FAM13B: variants seen among roughly 807,000 people sequenced by gnomAD.
FAM13B encodes the protein family with sequence similarity 13 member B, also known as protein FAM13B.
FAM13B carries 60 observed loss-of-function variants against 117.3 expected under a neutral mutation model. That is an observed-to-expected ratio of 0.51 (90% CI 0.42 to 0.63). FAM13B has a LOEUF of 0.63. FAM13B is among the 30% of genes least tolerant of loss of function. FAM13B has a pLI of 0.00. For synonymous variants in FAM13B, 332 were observed against 356.1 expected (o/e 0.93, Z 0.76); for missense variants, 972 against 1,091.9 (o/e 0.89, Z 1.55).
chr5:138,030,031 C>A (rs1789475439), intron 1 of FAM13B, among the ~76,000 whole-genome samples: 1 of 152,082 alleles, frequency 6.6e-6, no homozygotes, highest in Non-Finnish European at 1.5e-5. Flanking sequence ...TAAATGTCAT[C>A]AAATTATCTT....
At position 138,007,057 on chromosome 5, in the gene FAM13B, T is replaced by G. The variant is rs772773427; in HGVS notation, c.781A>C (p.Met261Leu). ...ATCCTTAATTGTACCACCTCTGGCA[T>G]GTCATTTGATTTTTCTGCACCCTCT... ...PEEGAEKSND[M>L]PEVVQLRMTE... is the part of the protein sequence containing the mutation. The change falls in exon 7 of 24, where the codon ATG becomes CTG. Residue 261 changes from methionine (M) to leucine (L), a missense_variant. Transcript: ENST00000689681. The G allele has an allele frequency of 1.2e-6, 2 of 1,613,468 alleles. No individual in the cohort carries two copies. The highest frequency in any genetic ancestry group is 2.7e-5 in the African/African-American group (2 of 74,920).
At chr5:138,028,702 A>T (rs1474591657) in intron 1 of FAM13B, among the ~76,000 whole-genome samples, 1 of 152,144 alleles carries the variant, frequency 6.6e-6, no homozygotes, top group Non-Finnish European at 1.5e-5. Flanking sequence ...GGCCAACATG[A>T]TGAAACCCCA....
intron 18 of FAM13B, 58 bp from the exon 19 acceptor site, chr5:137,946,369 A>C: frequency 2.6e-6 from 3 of 1,144,830 alleles, no homozygotes; most frequent in East Asian, 2.4e-5. Context: ...AAACAAAAAA[A>C]CTCCACTGGC....
chr5:137,951,149 G>A (rs931720648), intron 17 of FAM13B, among the ~76,000 whole-genome samples: 1 of 129,312 alleles, frequency 7.7e-6, no homozygotes, highest in Admixed American at 1.0e-4. Context: ...GGTGGAAGCT[G>A]CAATGAGCTA....
Position 137,956,531 on chromosome 5 carries a change from T to A in FAM13B, c.1453A>T (p.Ile485Phe). Residue 485 changes from isoleucine (I) to phenylalanine (F), a missense_variant, in exon 14 of 24, where the codon ATC (isoleucine) becomes TTC (phenylalanine). Ile to Phe is a conservative substitution (Grantham distance 21). Transcript: ENST00000689681. Reference sequence around the variant, plus strand: ...TTGAAATCAATGAGGGGAAAAGTGATAGGGCATGACGCTAATAAAATGGAA... The same window carrying A: ...TTGAAATCAATGAGGGGAAAAGTGAAAGGGCATGACGCTAATAAAATGGAA... The part of the protein sequence containing the change: ...DGDKWEASCP[I>F]TFPLIDFKTM... The A allele has an allele frequency of 6.3e-7, 1 of 1,596,834 alleles. No homozygotes were observed. The highest frequency in any genetic ancestry group is 8.5e-7 in the Non-Finnish European group (1 of 1,170,830).
rs184037998 is a variant in FAM13B at position 138,011,664 on chromosome 5, C to T, written c.548+104G>A. ...CAATCTCCTGACCTTGTGATCCGCC[C>T]GCATCAGCCTCCCAAAGTGCTGGGA... On this transcript the variant is annotated intron_variant, in intron 5 of 23. Transcript: ENST00000689681. The T allele has an allele frequency of 4.2e-3, 3,006 of 715,936 alleles. 48 individuals carry two copies. The African/African-American group carries it at 0.044, about 10-fold the overall frequency. 44.3% of individuals were successfully genotyped at this position (715,936 alleles called of 1,614,324 possible).
intron 10 of FAM13B, among the ~76,000 whole-genome samples, chr5:137,974,973 T>A (rs758861656): frequency 6.6e-6 from 1 of 152,224 alleles, no homozygotes; most frequent in African/African-American, 2.4e-5. Context: ...TTAAATTTTA[T>A]TGGAACACAG....
intron 1 of FAM13B, among the ~76,000 whole-genome samples, chr5:138,049,537 T>C (rs1401420239): frequency 6.6e-6 from 1 of 151,778 alleles, no homozygotes; most frequent in Non-Finnish European, 1.5e-5. Context: ...CCTCCCAAAG[T>C]GCTGGGATGA....
chr5:137,965,883 A>G (rs1034762703), intron 10 of FAM13B, among the ~76,000 whole-genome samples: 24 of 152,188 alleles, frequency 1.6e-4, no homozygotes, highest in Non-Finnish European at 3.2e-4. Flanking sequence ...AGGTACCCTG[A>G]AATGAATGGA....
chr5:138,048,698 T>G (rs1018686774), intron 1 of FAM13B, among the ~76,000 whole-genome samples: 1 of 152,216 alleles, frequency 6.6e-6, no homozygotes, highest in Non-Finnish European at 1.5e-5. Context: ...TGTAACATTC[T>G]AATTCTCAAG....
In FAM13B at chr5:137,971,459, G is replaced by A. The variant is rs1053034831; in HGVS notation, c.1180-8990C>T. Among the ~76,000 whole-genome samples the A allele has an allele frequency of 3.4e-5, 5 of 147,878 alleles. No individual in the cohort carries two copies. In the Admixed American group the frequency reaches 3.4e-4, roughly 10 times the overall value. ...CCAGAATCTCTGGGACACATTCAAA[G>A]CAGTGTGTAGAGGGAAATTTATAGC... On this transcript the variant is annotated intron_variant, in intron 10 of 23. Coordinates refer to ENST00000689681, the MANE Select transcript of FAM13B (RefSeq NM_001385994.1).
chr5:137,991,453 T>A (rs1561503115), intron 7 of FAM13B, among the ~76,000 whole-genome samples: 1 of 152,210 alleles, frequency 6.6e-6, no homozygotes, highest in African/African-American at 2.4e-5. Flanking sequence ...TCTTACAGCA[T>A]CTCTAGAGCA....
rs776051860 is a variant in FAM13B, at chr5:138,018,495, T to A, written c.177A>T (p.Gly59=). Residue 59 remains glycine (G), a synonymous_variant, in exon 4 of 24, where the codon GGA becomes GGT. Transcript: ENST00000689681. ...CAGCATTTCCATTGACTTGAAAAAGTCCTTGTTGCTCCAGACCTCCTACGT... is the reference window on the plus strand; with the variant it reads ...CAGCATTTCCATTGACTTGAAAAAGACCTTGTTGCTCCAGACCTCCTACGT... ...IEEHGGLEQQ[G]LFQVNGNAET... 24 of 1,613,994 alleles carry A rather than the reference T, an allele frequency of 1.5e-5. No homozygotes were observed. Among genetic ancestry groups the A allele is most frequent in the Non-Finnish European group, 1.9e-5 (23 of 1,180,012 alleles).
intron 9 of FAM13B, 96 bp downstream of exon 9, chr5:137,987,365 C>A: frequency 8.7e-7 from 1 of 1,155,644 alleles, no homozygotes; most frequent in South Asian, 1.8e-5. Context: ...TCAGAAATCT[C>A]CAAGAAAGAT....
intron 6 of FAM13B, 84 bp downstream of exon 6, chr5:138,010,924 G>A: frequency 8.0e-7 from 1 of 1,253,990 alleles, no homozygotes; most frequent in East Asian, 2.9e-5. Context: ...TTCCACTTAT[G>A]TCTGTGGCAA....
chr5:137,994,380 G>A (rs1277176339), intron 7 of FAM13B, among the ~76,000 whole-genome samples: 1 of 152,214 alleles, frequency 6.6e-6, no homozygotes, highest in Non-Finnish European at 1.5e-5. Flanking sequence ...TTAGCTTTCA[G>A]ATTTCACAGA....
intron 14 of FAM13B, 33 bp downstream of exon 14, chr5:137,956,444 C>CA (rs3836896): frequency 0.78 from 1,121,618 of 1,442,036 alleles, 439,931 homozygotes; most frequent in East Asian, 0.97. Context: ...CCATAAAAGG[C>CA]AAAAAAACTA....
rs1790515927 is a variant in FAM13B, at chr5:138,032,804, T to C, written c.-225A>G. ...TACCGTTGGAACCGCGATGCCCCGT[T>C]CCCTGGCCGCGGCCGCTTCTCCAGG... On this transcript the variant is annotated 5_prime_UTR_variant, in exon 1 of 24. Coordinates refer to ENST00000689681, the MANE Select transcript of FAM13B (RefSeq NM_001385994.1). The C allele has an allele frequency of 1.0e-6, 1 of 985,594 alleles. No homozygotes were observed. The highest frequency in any genetic ancestry group is 6.1e-5 in the Admixed American group (1 of 16,266). 61.1% of individuals were successfully genotyped at this position (985,594 alleles called of 1,614,324 possible). A position where few individuals can be genotyped will look rare whatever the true frequency, so the allele number is the denominator to read the frequency against.
intron 7 of FAM13B, among the ~76,000 whole-genome samples, chr5:138,002,819 C>T (rs1320825375): frequency 6.7e-6 from 1 of 148,566 alleles, no homozygotes; most frequent in East Asian, 2.0e-4. Context: ...GTGCCCGCCA[C>T]CACACCCGGC....
Sources: gnomAD v4.1 joint callset for allele counts (sites outside exome capture counted in the v4.1 genomes callset) on GRCh38, gnomAD v4.1.1 for gene constraint, MANE v1.5 for transcripts, NCBI Gene and HGNC (gene_info 2026-07-23, HGNC 2026-07-21) for gene names.